The following NME7 variants were observed in gnomAD, a reference collection of about 807,000 sequenced individuals.
NME7 encodes the protein nucleoside diphosphate kinase 7.
Under a neutral mutation model 49.1 loss-of-function variants are expected in NME7, and 41 were observed. That is an observed-to-expected ratio of 0.83 (90% CI 0.65 to 1.08). NME7 has a LOEUF of 1.08. Ranked by LOEUF, NME7 falls within the 50% of genes least tolerant of loss-of-function variation. The pLI, the probability that NME7 is intolerant of heterozygous loss-of-function variation, is 0.00. For missense variants in NME7, 423 were observed against 463.4 expected (o/e 0.91, Z 0.80); for synonymous variants, 139 against 150.6 (o/e 0.92, Z 0.56).
intron 11 of NME7, among the ~76,000 whole-genome samples, chr1:169,133,609 CCACTT>C (rs1359085392): frequency 2.0e-5 from 3 of 152,172 alleles, no homozygotes; most frequent in Admixed American, 6.5e-5. Flanking sequence ...AACAATGACT[CCACTT>C]AACAAAAAAA....
At chr1:169,177,244 C>T (rs1659779431) in intron 10 of NME7, among the ~76,000 whole-genome samples, 2 of 152,110 alleles carry the variant, frequency 1.3e-5, no homozygotes, top group African/African-American at 4.8e-5. Flanking sequence ...TTGGCAAATC[C>T]TGTCAATACA....
At chr1:169,297,396 C>T (rs561079522) in intron 6 of NME7, among the ~76,000 whole-genome samples, 1 of 152,282 alleles carries the variant, frequency 6.6e-6, no homozygotes, top group African/African-American at 2.4e-5. Context: ...TCTAAAAGTA[C>T]TACTACGGCC....
At chr1:169,341,614 C>T (rs1053470275) in intron 1 of NME7, among the ~76,000 whole-genome samples, 1 of 152,282 alleles carries the variant, frequency 6.6e-6, no homozygotes. Context: ...GCCAGGGGCA[C>T]TCGATGCCAG....
intron 10 of NME7, among the ~76,000 whole-genome samples, chr1:169,206,556 G>A (rs1660680009): frequency 6.6e-6 from 1 of 152,040 alleles, no homozygotes; most frequent in South Asian, 2.1e-4. Flanking sequence ...TCATAATTTT[G>A]TCTTATGCAA....
chr1:169,224,958 A>T (rs1174506169), intron 10 of NME7, among the ~76,000 whole-genome samples: 1 of 152,172 alleles, frequency 6.6e-6, no homozygotes, highest in Non-Finnish European at 1.5e-5. Flanking sequence ...GGGTGGTGGG[A>T]CCAATATTTA....
chr1:169,153,729 G>A (rs566750926), intron 11 of NME7, among the ~76,000 whole-genome samples: 2 of 151,376 alleles, frequency 1.3e-5, no homozygotes, highest in South Asian at 2.1e-4. Flanking sequence ...ACAAAGTTTC[G>A]TTCTGTCACC....
intron 11 of NME7, among the ~76,000 whole-genome samples, chr1:169,149,715 A>T (rs1658856107): frequency 6.6e-6 from 1 of 152,204 alleles, no homozygotes; most frequent in African/African-American, 2.4e-5. Flanking sequence ...TCTTGTGATG[A>T]TGAAGGGTCA....
chr1:169,212,746 C>A (rs1660862638), intron 10 of NME7, among the ~76,000 whole-genome samples: 1 of 151,898 alleles, frequency 6.6e-6, no homozygotes, highest in Non-Finnish European at 1.5e-5. Context: ...GTAGCTAGGA[C>A]TACAGGCACA....
At chr1:169,160,264 T>G (rs1040134760) in intron 11 of NME7, among the ~76,000 whole-genome samples, 3 of 152,186 alleles carry the variant, frequency 2.0e-5, no homozygotes, top group African/African-American at 7.2e-5. Flanking sequence ...GCTAACATCC[T>G]CAATTATCTT....
At chr1:169,212,533 T>G in intron 10 of NME7, among the ~76,000 whole-genome samples, 1 of 102,562 alleles carries the variant, frequency 9.8e-6, no homozygotes, top group East Asian at 2.0e-4. Context: ...CAAATGAGGG[T>G]GAACAAGGTG....
At chr1:169,181,172 T>A (rs1168963088) in intron 10 of NME7, among the ~76,000 whole-genome samples, 1 of 143,860 alleles carries the variant, frequency 7.0e-6, no homozygotes, top group African/African-American at 2.6e-5. Flanking sequence ...CTATCTATCA[T>A]CTATCTACCT....
chr1:169,308,479 A>T (rs1400620854), intron 4 of NME7, among the ~76,000 whole-genome samples: 3 of 152,226 alleles, frequency 2.0e-5, no homozygotes, highest in South Asian at 2.1e-4. Flanking sequence ...TCCTGTCCCT[A>T]GAGACACTCT....
intron 11 of NME7, among the ~76,000 whole-genome samples, chr1:169,161,276 CT>C (rs1659234825): frequency 1.3e-5 from 2 of 152,174 alleles, no homozygotes. Context: ...AAGCTGTTTG[CT>C]TTTGTATTTG....
intron 10 of NME7, 22 bp from the exon 11 acceptor site, chr1:169,169,576 A>G (rs773707040): frequency 4.4e-6 from 7 of 1,592,104 alleles, no homozygotes; most frequent in Middle Eastern, 1.7e-4. Context: ...ACATTCACAT[A>G]TAGATTAATG....
At chr1:169,311,974 C>T (rs779823959) in intron 3 of NME7, among the ~76,000 whole-genome samples, 1 of 152,162 alleles carries the variant, frequency 6.6e-6, no homozygotes, top group Non-Finnish European at 1.5e-5. Context: ...AGATCAGCAT[C>T]ATATGTGTTA....
chr1:169,315,757 A>T (rs1651600023), intron 3 of NME7, among the ~76,000 whole-genome samples: 1 of 152,216 alleles, frequency 6.6e-6, no homozygotes, highest in African/African-American at 2.4e-5. Context: ...ATTCTAAATA[A>T]ATAATAAACC....
intron 7 of NME7, among the ~76,000 whole-genome samples, chr1:169,254,268 A>C (rs896733291): frequency 6.6e-6 from 1 of 151,992 alleles, no homozygotes; most frequent in African/African-American, 2.4e-5. Flanking sequence ...TCAGAGATTC[A>C]ACTTCTTCCT....
intron 7 of NME7, among the ~76,000 whole-genome samples, chr1:169,258,676 C>T (rs1287023591): frequency 2.3e-5 from 3 of 131,454 alleles, no homozygotes; most frequent in African/African-American, 7.7e-5. Flanking sequence ...TACCACAACA[C>T]GGATCACAAG....
At chr1:169,297,085 C>T (rs1031056092) in intron 6 of NME7, among the ~76,000 whole-genome samples, 2 of 151,856 alleles carry the variant, frequency 1.3e-5, no homozygotes, top group Admixed American at 1.3e-4. Flanking sequence ...GCAATTCTCC[C>T]ACCTTAGCCT....
Sources: gnomAD v4.1 joint callset for allele counts (sites outside exome capture counted in the v4.1 genomes callset) on GRCh38, gnomAD v4.1.1 for gene constraint, MANE v1.5 for transcripts, NCBI Gene and HGNC (gene_info 2026-07-23, HGNC 2026-07-21) for gene names.